The following MET variants were observed in gnomAD, a reference collection of about 807,000 sequenced individuals.
MET encodes hepatocyte growth factor receptor.
Under a neutral mutation model 133.1 loss-of-function variants are expected in MET, and 48 were observed. The ratio of observed to expected loss-of-function variants is 0.36; its 90% confidence interval spans 0.29 to 0.46. MET has a LOEUF of 0.46. Ranked by LOEUF, MET falls within the 20% of genes least tolerant of loss-of-function variation. The pLI, the probability that MET is intolerant of heterozygous loss-of-function variation, is 1.00. For missense variants in MET, 1,442 were observed against 1,695.9 expected (o/e 0.85, Z 2.63); for synonymous variants, 628 against 616.5 (o/e 1.02, Z -0.28).
intron 2 of MET, among the ~76,000 whole-genome samples, chr7:116,721,424 T>C (rs1156449068): frequency 6.6e-5 from 10 of 152,206 alleles, no homozygotes; most frequent in Non-Finnish European, 1.5e-4. Context: ...TTGTTGATCC[T>C]TTCAAAAAAC....
In MET at chr7:116,783,409, A is replaced by G; in HGVS notation, c.3738A>G (p.Pro1246=). The G allele has an allele frequency of 6.2e-7, 1 of 1,614,204 alleles. No individual in the cohort carries two copies. The highest frequency in any genetic ancestry group is 1.1e-5 in the South Asian group (1 of 91,088). Residue 1246 remains proline, a synonymous_variant, in exon 19 of 21, where the codon CCA becomes CCG. Transcript: ENST00000397752. ...SVHNKTGAKL[P]VKWMALESLQ... ...ACAACAAAACAGGTGCAAAGCTGCC[A>G]GTGAAGTGGATGGCTTTGGAAAGTC...
chr7:116,763,671 G>A (rs1794497505), intron 11 of MET, among the ~76,000 whole-genome samples: 1 of 152,126 alleles, frequency 6.6e-6, no homozygotes, highest in African/African-American at 2.4e-5. Flanking sequence ...GTAATACTTG[G>A]AATTTTGTAT....
chr7:116,698,356 G>C (rs754825675), intron 1 of MET, among the ~76,000 whole-genome samples: 1 of 152,138 alleles, frequency 6.6e-6, no homozygotes, highest in Non-Finnish European at 1.5e-5. Flanking sequence ...AGTAGTTCTA[G>C]GACTTTAGTT....
intron 5 of MET, among the ~76,000 whole-genome samples, chr7:116,742,760 A>G (rs942665095): frequency 2.0e-5 from 3 of 152,198 alleles, no homozygotes; most frequent in Non-Finnish European, 4.4e-5. Context: ...ATAGTTGATG[A>G]TTCTCAAAGG....
chr7:116,722,283 A>G (rs923514626), intron 2 of MET, among the ~76,000 whole-genome samples: 2 of 150,836 alleles, frequency 1.3e-5, no homozygotes, highest in Non-Finnish European at 3.0e-5. Context: ...AGTCTGTTTT[A>G]TCAGAGACTA....
chr7:116,774,739 G>T (rs2117027981), intron 14 of MET, 142 bp from the exon 15 acceptor site: 3 of 670,652 alleles, frequency 4.5e-6, no homozygotes, highest in South Asian at 1.8e-5. Flanking sequence ...CTAATGAAAT[G>T]CTTGTATATA....
chr7:116,716,473 G>GAAAGAAAGAAAGAAAGA (rs1562893296), intron 2 of MET, among the ~76,000 whole-genome samples: 5 of 58,460 alleles, frequency 8.6e-5, no homozygotes, highest in African/African-American at 4.3e-4. Context: ...GAAAGAGAAA[G>GAAAGAAAGAAAGAAAGA]AAAGAAAGAA....
At chr7:116,683,676 T>C (rs1796442133) in intron 1 of MET, among the ~76,000 whole-genome samples, 1 of 152,200 alleles carries the variant, frequency 6.6e-6, no homozygotes, top group Non-Finnish European at 1.5e-5. Context: ...CAAGAAAGTG[T>C]CCTCATTCTA....
intron 5 of MET, among the ~76,000 whole-genome samples, chr7:116,746,236 T>C (rs1793675871): frequency 6.6e-6 from 1 of 152,192 alleles, no homozygotes; most frequent in Non-Finnish European, 1.5e-5. Flanking sequence ...TGAGATACCA[T>C]CTCACACCAG....
rs1271778906 is a variant in MET, at chr7:116,797,817, T to G, written c.*1693T>G. The G allele has an allele frequency of 1.3e-5, 3 of 224,440 alleles. No individual in the cohort carries two copies. Among genetic ancestry groups the G allele is most frequent in the Non-Finnish European group, 2.7e-5 (3 of 112,552 alleles). 13.9% of individuals were successfully genotyped at this position (224,440 alleles called of 1,614,324 possible). On this transcript the variant is annotated 3_prime_UTR_variant, in exon 21 of 21. Coordinates refer to ENST00000397752, the MANE Select transcript of MET (RefSeq NM_000245.4). ...CCACCCTCATTACATCATCAGGACTTGAAGCCAAGGGTTAACCCAGCAAGC... is the reference window on the plus strand; with the variant it reads ...CCACCCTCATTACATCATCAGGACTGGAAGCCAAGGGTTAACCCAGCAAGC...
intron 3 of MET, among the ~76,000 whole-genome samples, chr7:116,735,856 A>G (rs905808630): frequency 2.0e-5 from 3 of 146,926 alleles, no homozygotes; most frequent in Non-Finnish European, 4.4e-5. Context: ...GGCTCACTGT[A>G]ACCCCCACCT....
chr7:116,765,632 C>T (rs1794599159), intron 11 of MET, among the ~76,000 whole-genome samples: 1 of 152,080 alleles, frequency 6.6e-6, no homozygotes. Flanking sequence ...TTCAAGTCCC[C>T]CAAGAGCAGT....
chr7:116,704,123 C>G (rs1043676662), intron 2 of MET, among the ~76,000 whole-genome samples: 2 of 152,088 alleles, frequency 1.3e-5, no homozygotes, highest in African/African-American at 4.8e-5. Context: ...TGACTTCTGC[C>G]ACATTACCTG....
rs780802188 is a variant in MET, at chr7:116,741,085, G to A, written c.1701+60G>A. Reference sequence around the variant, plus strand: ...GTTTGGTGTTTTTTTTTTTTTTTTGGTTTGGTTTGGTTTGTTTTTTGTTTT... The same window carrying A: ...GTTTGGTGTTTTTTTTTTTTTTTTGATTTGGTTTGGTTTGTTTTTTGTTTT... On this transcript the variant is annotated intron_variant, in intron 5 of 20. Transcript: ENST00000397752. 1.5e-5 allele frequency: 22 copies of A among 1,427,288 alleles called. No individual in the cohort carries two copies. The South Asian group carries it at 2.8e-4, about 18-fold the overall frequency. 88.4% of individuals were successfully genotyped at this position (1,427,288 alleles called of 1,614,324 possible).
In MET at chr7:116,774,951, C is replaced by G. The variant is rs754909964; in HGVS notation, c.3099C>G (p.Pro1033=). ...QVQYPLTDMS[P]ILTSGDSDIS... ...AGTATCCTCTGACAGACATGTCCCC[C>G]ATCCTAACTAGTGGGGACTCTGATA... Residue 1033 remains proline, a synonymous_variant, in exon 15 of 21, where the codon CCC becomes CCG. Transcript: ENST00000397752. The G allele has an allele frequency of 6.2e-7, 1 of 1,614,126 alleles. No individual in the cohort carries two copies. The highest frequency in any genetic ancestry group is 8.5e-7 in the Non-Finnish European group (1 of 1,179,980).
Position 116,758,503 on chromosome 7 carries a change from T to C in MET, c.2147T>C (p.Ile716Thr). ...ILECYTPAQT[I>T]STEFAVKLKI... ...GAATGTTATACCCCAGCCCAAACCA[T>C]TTCAACTGAGTTTGCTGTTAAATTG... The change falls in exon 9 of 21, where the codon ATT becomes ACT. Residue 716 changes from isoleucine to threonine, a missense_variant. Ile to Thr is a moderately conservative substitution (Grantham distance 89). Coordinates refer to ENST00000397752, the MANE Select transcript of MET (RefSeq NM_000245.4). 6.2e-7 allele frequency: 1 copy of C among 1,613,918 alleles called. No homozygotes were observed. Among genetic ancestry groups the C allele is most frequent in the Non-Finnish European group, 8.5e-7 (1 of 1,179,868 alleles).
In MET at chr7:116,680,323, C is replaced by T. The variant is rs117674594; in HGVS notation, c.-15+7746C>T. On this transcript the variant is annotated intron_variant, in intron 1 of 20. Coordinates refer to ENST00000397752, the MANE Select transcript of MET (RefSeq NM_000245.4). ...ATATATCAGTGTTTTTGTACACATT[C>T]GTATTTACATGACTTTTAAAATTCC... 7.7e-3 allele frequency among the ~76,000 whole-genome samples: 1,175 copies of T among 152,198 alleles called. 11 individuals carry two copies. Among genetic ancestry groups the T allele is most frequent in the Middle Eastern group, 0.02 (6 of 294 alleles).
intron 1 of MET, among the ~76,000 whole-genome samples, chr7:116,692,158 GATA>G (rs1692922937): frequency 6.6e-6 from 1 of 152,148 alleles, no homozygotes; most frequent in African/African-American, 2.4e-5. Flanking sequence ...GTAGATTTCA[GATA>G]ATATTTTCTC....
Position 116,672,519 on chromosome 7 carries a change from G to A in MET, c.-73G>A, listed in dbSNP as rs968727568. 5.0e-6 allele frequency: 2 copies of A among 397,882 alleles called. No individual in the cohort carries two copies. Among genetic ancestry groups the A allele is most frequent in the Non-Finnish European group, 8.9e-6 (2 of 225,718 alleles). 24.6% of individuals were successfully genotyped at this position (397,882 alleles called of 1,614,324 possible). On this transcript the variant is annotated 5_prime_UTR_variant, in exon 1 of 21. Transcript: ENST00000397752. ...TTGCTGAGAGGAGGCGGGGAGGCGC[G>A]GAGCGCGCGTGTGGTCCTTGCGCCG...
Sources: gnomAD v4.1 joint callset for allele counts (sites outside exome capture counted in the v4.1 genomes callset) on GRCh38, gnomAD v4.1.1 for gene constraint, MANE v1.5 for transcripts, NCBI Gene and HGNC (gene_info 2026-07-23, HGNC 2026-07-21) for gene names.